COL4A6: variants seen among roughly 807,000 people sequenced by gnomAD.
COL4A6 encodes the protein collagen type IV alpha 6 chain.
In COL4A6, 59 loss-of-function variants were observed where a neutral mutation model predicts 126.7. The ratio of observed to expected loss-of-function variants is 0.47; its 90% CI spans 0.38 to 0.58. COL4A6 has a LOEUF of 0.58. Ranked by LOEUF, COL4A6 falls within the 20% of genes least tolerant of loss-of-function variation. The pLI is 0.00. For synonymous variants in COL4A6, 547 were observed against 496.6 expected (o/e 1.10, Z -1.35); for missense variants, 1,285 against 1,337.3 (o/e 0.96, Z 0.61).
At chrX:108,322,936 T>A (rs966731638) in intron 2 of COL4A6, among the ~76,000 whole-genome samples, 1 of 112,480 alleles carries the variant, frequency 8.9e-6, no homozygotes, top group Non-Finnish European at 1.9e-5. Flanking sequence ...TAACTGAGTG[T>A]CATCTGTTTT....
At chrX:108,333,635 C>T (rs976520766) in intron 2 of COL4A6, among the ~76,000 whole-genome samples, 1 of 111,374 alleles carries the variant, frequency 9.0e-6, no homozygotes, top group Non-Finnish European at 1.9e-5. Flanking sequence ...TATCTGTGTT[C>T]ATTGATGATA....
intron 3 of COL4A6, among the ~76,000 whole-genome samples, chrX:108,239,005 G>C (rs2036509183): frequency 8.9e-6 from 1 of 112,013 alleles, no homozygotes; most frequent in East Asian, 2.8e-4. Context: ...TCTGTGGTCT[G>C]TCCATTCTGT....
At chrX:108,192,716 A>T in intron 17 of COL4A6, 136 bp from the exon 18 acceptor site, 1 of 456,668 alleles carries the variant, frequency 2.2e-6, no homozygotes, top group Non-Finnish European at 3.8e-6. Context: ...CTCTAATGCT[A>T]ATGGCCTCAC....
chrX:108,214,126 GC>G lies in COL4A6; in HGVS notation c.426del (p.Leu143PhefsTer27). On this transcript the variant is annotated frameshift_variant, in exon 6 of 45. Transcript: ENST00000334504. LOFTEE classifies it high-confidence loss of function. ...VGFPGPDGYPGLLGPPGLPGQ... is the reference protein window; with the variant it reads ...VGFPGPDGYPXLLGPPGLPGQ... ...TGGCAGCATACGGGTGGTCCGAGAA[GC>G]CCAGGATAGCCATCAGGGCCTGGAA... 2 of 1,207,026 alleles carry G rather than the reference GC, an allele frequency of 1.7e-6. No individual in the cohort carries two copies. Among genetic ancestry groups the G allele is most frequent in the Non-Finnish European group, 2.2e-6 (2 of 892,069 alleles).
chrX:108,262,236 TA>T (rs1377658410), intron 3 of COL4A6, among the ~76,000 whole-genome samples: 21 of 111,331 alleles, frequency 1.9e-4, no homozygotes, highest in South Asian at 3.8e-4. Flanking sequence ...AACCAGGTGC[TA>T]ATGTAAGACA....
Position 108,438,114 on chromosome X carries a change from A to G in COL4A6, c.11+72T>C. On this transcript the variant is annotated intron_variant, in intron 1 of 44. Coordinates refer to ENST00000334504, the MANE Select transcript of COL4A6 (RefSeq NM_033641.4). ...ATTTCTCTGCAGTGACAGAAGTACC[A>G]GTATAGTCCCGGCCTGGCAAAGTAA... 5.0e-6 allele frequency: 6 copies of G among 1,205,338 alleles called. No individual in the cohort carries two copies. The South Asian group carries it at 5.3e-5, about 11-fold the overall frequency.
chrX:108,259,173 T>C (rs982178234), intron 3 of COL4A6, among the ~76,000 whole-genome samples: 1 of 110,919 alleles, frequency 9.0e-6, no homozygotes, highest in African/African-American at 3.3e-5. Flanking sequence ...CAGACCCTGA[T>C]AAGCAGCTCC....
chrX:108,274,733 T>C (rs2037550679), intron 3 of COL4A6, among the ~76,000 whole-genome samples: 1 of 112,357 alleles, frequency 8.9e-6, no homozygotes, highest in African/African-American at 3.2e-5. Context: ...AGGGTCCTTG[T>C]TTTCTTGTTG....
At chrX:108,319,754 T>A (rs746076635) in intron 2 of COL4A6, among the ~76,000 whole-genome samples, 2 of 112,106 alleles carry the variant, frequency 1.8e-5, no homozygotes, top group African/African-American at 6.5e-5. Flanking sequence ...GCCAATTATC[T>A]AAAGGGGTAT....
chrX:108,247,219 G>C (rs888439127), intron 3 of COL4A6, among the ~76,000 whole-genome samples: 3 of 111,349 alleles, frequency 2.7e-5, no homozygotes, highest in African/African-American at 9.8e-5. Context: ...TTCCTAGCCT[G>C]TGACCTTGGG....
chrX:108,222,101 C>T (rs1231261973), intron 3 of COL4A6, among the ~76,000 whole-genome samples: 2 of 112,468 alleles, frequency 1.8e-5, no homozygotes, highest in East Asian at 5.6e-4. Context: ...AGGGAACAGC[C>T]TGAGGATTTT....
chrX:108,304,387 T>C (rs2038573106), intron 3 of COL4A6, among the ~76,000 whole-genome samples: 2 of 111,590 alleles, frequency 1.8e-5, no homozygotes, highest in African/African-American at 6.5e-5. Flanking sequence ...AAGAACCATA[T>C]GTAAATATAC....
At chrX:108,176,099 T>C (rs976640157) in intron 28 of COL4A6, among the ~76,000 whole-genome samples, 2 of 109,470 alleles carry the variant, frequency 1.8e-5, no homozygotes, top group African/African-American at 3.3e-5. Context: ...GTGAGGCGGG[T>C]GGATCACCTG....
At chrX:108,192,392 C>A (rs1420704313) in intron 18 of COL4A6, 81 bp downstream of exon 18, 2 of 706,931 alleles carry the variant, frequency 2.8e-6, no homozygotes, top group Non-Finnish European at 4.3e-6. Flanking sequence ...TGTGCCCCGA[C>A]CCAGAGGTAT....
chrX:108,277,535 C>T (rs1188964115), intron 3 of COL4A6, among the ~76,000 whole-genome samples: 2 of 112,623 alleles, frequency 1.8e-5, no homozygotes, highest in Non-Finnish European at 3.8e-5. Flanking sequence ...GCCTGCCTGC[C>T]TCTGTAGGCT....
At chrX:108,225,706 T>C (rs1039338345) in intron 3 of COL4A6, among the ~76,000 whole-genome samples, 2 of 112,831 alleles carry the variant, frequency 1.8e-5, no homozygotes, top group African/African-American at 6.4e-5. Context: ...CATATGTAGA[T>C]ATATCATCGA....
At chrX:108,399,754 A>G (rs1320167597) in intron 2 of COL4A6, among the ~76,000 whole-genome samples, 1 of 111,940 alleles carries the variant, frequency 8.9e-6, no homozygotes. Context: ...CAAAGGGACT[A>G]TAGAAAAGCC....
chrX:108,162,485 G>A (rs1394264609), intron 41 of COL4A6, among the ~76,000 whole-genome samples: 1 of 111,233 alleles, frequency 9.0e-6, no homozygotes, highest in Non-Finnish European at 1.9e-5. Flanking sequence ...AGAGGAAGAA[G>A]AAGAGGAAGA....
intron 13 of COL4A6, among the ~76,000 whole-genome samples, chrX:108,197,167 G>A (rs994752195): frequency 2.7e-5 from 3 of 111,981 alleles, no homozygotes; most frequent in Non-Finnish European, 5.6e-5. Flanking sequence ...CCTGTACTGG[G>A]ACTGTAGGGC....
Sources: gnomAD v4.1 joint callset for allele counts (sites outside exome capture counted in the v4.1 genomes callset) on GRCh38, gnomAD v4.1.1 for gene constraint, MANE v1.5 for transcripts, NCBI Gene and HGNC (gene_info 2026-07-23, HGNC 2026-07-21) for gene names.